Variants in CYB561 observed in about 807,000 individuals in gnomAD.
CYB561 encodes the protein cytochrome b561.
CYB561 carries 11 observed loss-of-function variants against 25.3 expected under a neutral mutation model. The observed-to-expected ratio is 0.44, with a 90% confidence interval of 0.27 to 0.72. The LOEUF is 0.72. CYB561 is among the 30% of genes least tolerant of loss of function. CYB561 has a pLI of 0.18. For synonymous variants in CYB561, 165 were observed against 158.8 expected (o/e 1.04, Z -0.29); for missense variants, 295 against 334.9 (o/e 0.88, Z 0.93).
chr17:63,438,159 G>C lies in CYB561; in HGVS notation c.-13-599C>G, dbSNP rs568258320. ...GCCAGGAGTTCCATATGCGGTGAGG[G>C]TGCAAGGAAAGATACCCCAAATTCT... On this transcript the variant is annotated intron_variant, in intron 1 of 5. Transcript: ENST00000360793. The C allele has an allele frequency of 2.7e-5, 42 of 1,535,496 alleles. 1 individual carries two copies. In the African/African-American group the frequency reaches 4.8e-4, roughly 18 times the overall value.
chr17:63,441,854 C>T (rs537354661), intron 1 of CYB561, among the ~76,000 whole-genome samples: 3 of 152,346 alleles, frequency 2.0e-5, no homozygotes, highest in Non-Finnish European at 4.4e-5. Context: ...AGTCCTCCTG[C>T]GTCCTCCCCG....
At position 63,446,272 on chromosome 17, in the gene CYB561, T is replaced by A. The variant is rs887631106; in HGVS notation, c.-41A>T. The A allele has an allele frequency of 6.6e-6, 1 of 151,654 alleles. No individual in the cohort carries two copies. The highest frequency in any genetic ancestry group is 2.1e-4 in the South Asian group (1 of 4,810). The allele number at this position is 151,654 out of a possible 1,614,324, so 9.4% of individuals were successfully genotyped here. On this transcript the variant is annotated 5_prime_UTR_variant, in exon 1 of 6. Transcript: ENST00000360793. The stretch of plus-strand genomic sequence containing the variant: ...TGCCTACCCGAGCGTCCCTTCAGCC[T>A]CCCCGCGCCGCGCCCGGGTCGCTTG...
At chr17:63,435,825 TG>T in intron 3 of CYB561, 34 bp from the exon 4 acceptor site, 1 of 1,607,358 alleles carries the variant, frequency 6.2e-7, no homozygotes, top group Middle Eastern at 1.7e-4. Context: ...AGGACAGGGT[TG>T]GATGTGGAAA....
Position 63,435,942 on chromosome 17 carries a change from G to T in CYB561, c.301+112C>A. Reference sequence around the variant, plus strand: ...AGTGGCCCTGCAGGGGATGTTTGGGGTGGGGGCGGGCCCATCACAGCTCTG... The same window carrying T: ...AGTGGCCCTGCAGGGGATGTTTGGGTTGGGGGCGGGCCCATCACAGCTCTG... On this transcript the variant is annotated intron_variant, in intron 3 of 5. Transcript: ENST00000360793. 3 of 1,594,842 alleles carry T rather than the reference G, an allele frequency of 1.9e-6. No individual in the cohort carries two copies. In the South Asian group the frequency reaches 3.4e-5, roughly 18 times the overall value.
At chr17:63,437,970 GCCC>G in intron 1 of CYB561, 3 of 643,050 alleles carry the variant, frequency 4.7e-6, no homozygotes, top group Non-Finnish European at 5.0e-6. Flanking sequence ...TCCCACGGCG[GCCC>G]CGCCACCCTC....
At chr17:63,434,942 C>A in intron 5 of CYB561, 144 bp downstream of exon 5, 1 of 918,914 alleles carries the variant, frequency 1.1e-6, no homozygotes. Flanking sequence ...CCCAAGCACC[C>A]AAATCTTAGC....
chr17:63,436,021 A>G lies in CYB561; in HGVS notation c.301+33T>C. ...GTTTGCCATACCTGAAGAGGCAGGC[A>G]GGTGGCGGGGAAGGCCGCGCCCGGG... On this transcript the variant is annotated intron_variant, in intron 3 of 5. Transcript: ENST00000360793. The surrounding 1 kb of genome is among the most constrained non-coding windows in gnomAD (Gnocchi z 4.8). The G allele has an allele frequency of 6.2e-7, 1 of 1,613,780 alleles. No homozygotes were observed. Among genetic ancestry groups the G allele is most frequent in the Non-Finnish European group, 8.5e-7 (1 of 1,179,872 alleles).
intron 4 of CYB561, chr17:63,435,453 CAG>C (rs2049286381): frequency 2.9e-6 from 2 of 683,578 alleles, no homozygotes; most frequent in Non-Finnish European, 4.9e-6. Flanking sequence ...TTGGCACACT[CAG>C]AAAGCTGGGC....
chr17:63,445,168 C>T lies in CYB561; in HGVS notation c.-14+1077G>A, dbSNP rs140231090. The stretch of plus-strand genomic sequence containing the variant: ...CCAGCCTCCTGGCAACAGAGCAAGA[C>T]TCCATCTCAAAAAAAAAAGAAGGAA... On this transcript the variant is annotated intron_variant, in intron 1 of 5. Coordinates refer to ENST00000360793, the MANE Select transcript of CYB561 (RefSeq NM_001915.4). 1.9e-3 allele frequency among the ~76,000 whole-genome samples: 287 copies of T among 151,590 alleles called. 1 individual carries two copies. Among genetic ancestry groups the T allele is most frequent in the African/African-American group, 6.7e-3 (276 of 41,318 alleles).
At chr17:63,435,611 A>G (rs925866916) in intron 4 of CYB561, 77 bp downstream of exon 4, 2 of 1,147,366 alleles carry the variant, frequency 1.7e-6, no homozygotes, top group South Asian at 2.5e-5. Flanking sequence ...TCCATGAGGT[A>G]CATTTCAGCC....
rs1212941501 is a variant in CYB561, at chr17:63,434,058, C to G, written c.*344G>C. ...CCCCCAGTTTCCCCTGGCCTTGCCC[C>G]AGGCATCTGCTGCCAGGAGGGTGGG... On this transcript the variant is annotated 3_prime_UTR_variant, in exon 6 of 6. Transcript: ENST00000360793. 1.1e-5 allele frequency: 3 copies of G among 271,882 alleles called. No individual in the cohort carries two copies. Among genetic ancestry groups the G allele is most frequent in the Non-Finnish European group, 2.1e-5 (3 of 145,426 alleles). The allele number at this position is 271,882 out of a possible 1,614,324, so 16.8% of individuals were successfully genotyped here.
Position 63,437,393 on chromosome 17 carries a change from G to GC in CYB561, c.154dup (p.Ala52GlyfsTer29). ...GCCTATGACCATGCAGAGGGGGTGC[G>GC]CGTTGAACTGCAGGTCGCTCTCCCA... On this transcript the variant is annotated frameshift_variant, in exon 2 of 6. Coordinates refer to ENST00000360793, the MANE Select transcript of CYB561 (RefSeq NM_001915.4). LOFTEE classifies it high-confidence loss of function. 1 of 1,614,038 alleles carries GC rather than the reference G, an allele frequency of 6.2e-7. No individual in the cohort carries two copies. Among genetic ancestry groups the GC allele is most frequent in the Non-Finnish European group, 8.5e-7 (1 of 1,179,986 alleles).
rs369317453 is a variant in CYB561 at position 63,434,518 on chromosome 17, C to T, written c.640G>A (p.Ala214Thr). 72 of 1,613,460 alleles carry T rather than the reference C, an allele frequency of 4.5e-5. No homozygotes were observed. In the African/African-American group the frequency reaches 5.2e-4, roughly 12 times the overall value. Residue 214 changes from alanine to threonine, a missense_variant, in exon 6 of 6, where the codon GCG becomes ACG. By Grantham distance (58) the Ala-to-Thr change is moderately conservative. Transcript: ENST00000360793. ...GCCCGGGTCAAGATGTAGAGCACCG[C>T]CCCACCGAAGCAGGCCAGCAGCAGG... ...LGLLLACFGG[A>T]VLYILTRADW... is the part of the protein sequence containing the mutation.
At position 63,434,457 on chromosome 17, in the gene CYB561, G is replaced by C. The variant is rs771391445; in HGVS notation, c.701C>G (p.Ala234Gly). ...CAGCGTCTTGAAGTCCATGGAGAGG[G>C]CCTGCTCTTCCGCCTGGGAAGGCCG... is the stretch of plus-strand genomic sequence containing the variant. ...WKRPSQAEEQ[A>G]LSMDFKTLTE... Residue 234 changes from alanine (A) to glycine (G), a missense_variant, in exon 6 of 6, where the codon GCC becomes GGC. Physicochemically the swap from Ala to Gly is moderately conservative, Grantham distance 60 (BLOSUM62 0). Coordinates refer to ENST00000360793, the MANE Select transcript of CYB561 (RefSeq NM_001915.4). 1.9e-6 allele frequency: 3 copies of C among 1,602,906 alleles called. No homozygotes were observed. Among genetic ancestry groups the C allele is most frequent in the Admixed American group, 1.7e-5 (1 of 58,538 alleles).
chr17:63,434,489 G>A lies in CYB561; in HGVS notation c.669C>T (p.Asp223=), dbSNP rs1568021574. ...GAVLYILTRA[D]WKRPSQAEEQ... The stretch of plus-strand genomic sequence containing the variant: ...CTTCCGCCTGGGAAGGCCGCTTCCA[G>A]TCGGCCCGGGTCAAGATGTAGAGCA... The change falls in exon 6 of 6, where the codon GAC becomes GAT. Residue 223 remains aspartate (D), a synonymous_variant. Transcript: ENST00000360793. 6.2e-7 allele frequency: 1 copy of A among 1,612,772 alleles called. No homozygotes were observed. The highest frequency in any genetic ancestry group is 8.5e-7 in the Non-Finnish European group (1 of 1,179,596).
intron 1 of CYB561, among the ~76,000 whole-genome samples, chr17:63,439,926 ACTTCT>A (rs2049357938): frequency 6.6e-6 from 1 of 152,134 alleles, no homozygotes; most frequent in Non-Finnish European, 1.5e-5. Flanking sequence ...TCATCTGCAA[ACTTCT>A]CTGCAGGGAA....
At chr17:63,441,670 C>G (rs2049376565) in intron 1 of CYB561, among the ~76,000 whole-genome samples, 1 of 152,260 alleles carries the variant, frequency 6.6e-6, no homozygotes, top group Non-Finnish European at 1.5e-5. Context: ...CTCTAGCTCT[C>G]CTGCCGAACA....
At position 63,437,521 on chromosome 17, in the gene CYB561, G is replaced by C. The variant is rs745637371; in HGVS notation, c.27C>G (p.Thr9=). ...CCACGTAGTAAGGCAGTGCTGTGGG[G>C]GTGGCTGCCGCGGCCCCGCCCTCCA... is the stretch of plus-strand genomic sequence containing the variant. MEGGAAAA[T]PTALPYYVAF... is the part of the protein sequence containing the mutation. The change falls in exon 2 of 6, where the codon ACC becomes ACG. Residue 9 remains threonine, a synonymous_variant. Transcript: ENST00000360793. 3.7e-6 allele frequency: 6 copies of C among 1,612,284 alleles called. No homozygotes were observed. The highest frequency in any genetic ancestry group is 5.1e-6 in the Non-Finnish European group (6 of 1,179,868).
At chr17:63,438,727 G>C (rs1441316765) in intron 1 of CYB561, among the ~76,000 whole-genome samples, 1 of 152,204 alleles carries the variant, frequency 6.6e-6, no homozygotes, top group East Asian at 1.9e-4. Context: ...GAGGAAAGGA[G>C]AGCGGGTGGT....
Sources: allele counts gnomAD v4.1 joint callset (sites outside exome capture counted in the v4.1 genomes callset), GRCh38; gene constraint gnomAD v4.1.1; non-coding constraint Gnocchi (gnomAD v3.1); transcripts MANE v1.5; gene names NCBI Gene and HGNC (gene_info 2026-07-23, HGNC 2026-07-21).